Variants in PLXNA2 observed in about 807,000 individuals in gnomAD.
PLXNA2 encodes the protein plexin-A2.
In PLXNA2, 91 loss-of-function variants were observed where a neutral mutation model predicts 193.5. That is an observed-to-expected ratio of 0.47 (90% CI 0.40 to 0.56). The LOEUF is 0.56. Among genes scored for constraint, PLXNA2 ranks in the 20% least tolerant of loss-of-function variants. PLXNA2 has a pLI of 0.00. For missense variants in PLXNA2, 1,995 were observed against 2,503.2 expected (o/e 0.80, Z 4.33); for synonymous variants, 997 against 1,027.3 (o/e 0.97, Z 0.56).
At chr1:208,031,495 G>A (rs918503049) in intron 29 of PLXNA2, 95 bp downstream of exon 29, 1 of 1,495,264 alleles carries the variant, frequency 6.7e-7, no homozygotes, top group Non-Finnish European at 9.3e-7. Context: ...GCCGAGAATA[G>A]GCTATCCTCC....
intron 1 of PLXNA2, among the ~76,000 whole-genome samples, chr1:208,238,282 G>T (rs188767317): frequency 6.6e-6 from 1 of 152,322 alleles, no homozygotes; most frequent in Admixed American, 6.5e-5. Context: ...AACTTTCCAA[G>T]GGCAACTCTA....
chr1:208,231,120 C>T (rs1276693645), intron 1 of PLXNA2, among the ~76,000 whole-genome samples: 4 of 152,132 alleles, frequency 2.6e-5, no homozygotes, highest in African/African-American at 9.7e-5. Context: ...CCTCTTGGAT[C>T]CCTCAGCCCA....
chr1:208,173,325 A>T (rs1324596074), intron 3 of PLXNA2, among the ~76,000 whole-genome samples: 1 of 152,230 alleles, frequency 6.6e-6, no homozygotes, highest in African/African-American at 2.4e-5. Context: ...TCTCTTAAAA[A>T]GTCTGCAGTT....
rs1664748604 is a variant in PLXNA2, at chr1:208,038,512, G to A, written c.4661-38C>T. ...GGTGGTGCAGGGAGCGGCGTGAGAG[G>A]GATGAGGGCTGTGAGCCAGTGTCTC... is the stretch of plus-strand genomic sequence containing the variant. On this transcript the variant is annotated intron_variant, in intron 25 of 31. Transcript: ENST00000367033. This position sits in a 1 kb window ranked among gnomAD's most constrained non-coding sequence, Gnocchi z 4.1. 3 of 1,496,136 alleles carry A rather than the reference G, an allele frequency of 2.0e-6. No individual in the cohort carries two copies. Among genetic ancestry groups the A allele is most frequent in the Non-Finnish European group, 2.8e-6 (3 of 1,072,524 alleles). The allele number at this position is 1,496,136 out of a possible 1,614,324, so 92.7% of individuals were successfully genotyped here.
intron 1 of PLXNA2, among the ~76,000 whole-genome samples, chr1:208,218,646 T>C (rs905887871): frequency 2.0e-5 from 3 of 152,204 alleles, no homozygotes; most frequent in African/African-American, 7.2e-5. Context: ...CCCTGATCAC[T>C]AGCTGTTAGA....
Position 208,067,173 on chromosome 1 carries a change from T to C in PLXNA2, c.2587-6336A>G, listed in dbSNP as rs1553275586. The stretch of plus-strand genomic sequence containing the variant: ...CAGCCTGAGCAACATGGGGAAACGC[T>C]GTCTCTATTAAAAATCCAAAATTAG... On this transcript the variant is annotated intron_variant, in intron 12 of 31. Transcript: ENST00000367033. 2.6e-5 allele frequency among the ~76,000 whole-genome samples: 4 copies of C among 152,030 alleles called. No homozygotes were observed. The South Asian group carries it at 8.3e-4, about 32-fold the overall frequency.
rs1381668098 is a variant in PLXNA2 at position 208,028,186 on chromosome 1, G to C, written c.5439-27C>G. ...TGCCAGAGACAGGATAGGCGCCTTG[G>C]TGGAGGCCTCAGCAAACATTTACCT... On this transcript the variant is annotated intron_variant, in intron 30 of 31. Coordinates refer to ENST00000367033, the MANE Select transcript of PLXNA2 (RefSeq NM_025179.4). The surrounding 1 kb of genome is among the most constrained non-coding windows in gnomAD (Gnocchi z 4.2). The C allele has an allele frequency of 6.3e-7, 1 of 1,580,144 alleles. No homozygotes were observed. The highest frequency in any genetic ancestry group is 1.2e-5 in the South Asian group (1 of 86,262).
intron 4 of PLXNA2, among the ~76,000 whole-genome samples, chr1:208,119,924 C>T (rs1281459663): frequency 2.0e-5 from 3 of 152,206 alleles, no homozygotes; most frequent in African/African-American, 7.2e-5. Context: ...TTCTCCGGAA[C>T]TTTCTAATCC....
At chr1:208,139,435 A>G (rs1470822446) in intron 4 of PLXNA2, among the ~76,000 whole-genome samples, 1 of 152,216 alleles carries the variant, frequency 6.6e-6, no homozygotes. Flanking sequence ...TGAGAGCTAG[A>G]ATGGGCCATA....
intron 1 of PLXNA2, among the ~76,000 whole-genome samples, chr1:208,225,595 G>A (rs1204588123): frequency 6.6e-6 from 1 of 152,236 alleles, no homozygotes; most frequent in Non-Finnish European, 1.5e-5. Flanking sequence ...TTACAGGCGT[G>A]AGCCATGGCA....
chr1:208,079,490 G>C (rs940987423), intron 11 of PLXNA2, 40 bp from the exon 12 acceptor site: 7 of 1,486,810 alleles, frequency 4.7e-6, no homozygotes, highest in Non-Finnish European at 6.4e-6. Context: ...AACCAGAAAG[G>C]GCTGCTCACA....
chr1:208,148,983 G>A (rs1668676461), intron 3 of PLXNA2, among the ~76,000 whole-genome samples: 1 of 152,254 alleles, frequency 6.6e-6, no homozygotes, highest in Non-Finnish European at 1.5e-5. Flanking sequence ...TGGAGAGGAT[G>A]AGACTTTTGA....
chr1:208,174,681 G>A lies in PLXNA2; in HGVS notation c.1372-32218C>T, dbSNP rs76894637. Among the ~76,000 whole-genome samples the A allele has an allele frequency of 7.6e-3, 1,159 of 152,258 alleles. 15 individuals are homozygous for A. Among genetic ancestry groups the A allele is most frequent in the African/African-American group, 0.026 (1,073 of 41,540 alleles). On this transcript the variant is annotated intron_variant, in intron 3 of 31. Transcript: ENST00000367033. ...GCACCAGGGCCACAGGGGTCACCAGGCACTTCTGCTCAAGGCTCAGCCCAG... is the reference window on the plus strand; with the variant it reads ...GCACCAGGGCCACAGGGGTCACCAGACACTTCTGCTCAAGGCTCAGCCCAG...
Position 208,216,875 on chromosome 1 carries a change from G to A in PLXNA2, c.1048C>T (p.Pro350Ser). Residue 350 changes from proline to serine, a missense_variant, in exon 2 of 32, where the codon CCC becomes TCC. Pro to Ser is a moderately conservative substitution (Grantham distance 74). This residue lies in a region of PLXNA2 where 702 missense variants were observed against 812.9 expected (regional missense o/e 0.86). Coordinates refer to ENST00000367033, the MANE Select transcript of PLXNA2 (RefSeq NM_025179.4). ...AAGGCACACAGGGCAGAGTCATCGG[G>A]CGGGTGGTGATACTGCTTCTGCCCT... is the stretch of plus-strand genomic sequence containing the variant. ...SKGQKQYHHP[P>S]DDSALCAFPI... 6.2e-7 allele frequency: 1 copy of A among 1,614,222 alleles called. No individual in the cohort carries two copies. Among genetic ancestry groups the A allele is most frequent in the Non-Finnish European group, 8.5e-7 (1 of 1,180,036 alleles).
In PLXNA2 at chr1:208,023,413, G is replaced by T. The variant is rs2102352218; in HGVS notation, c.*3830C>A. ...AATGCTCCCTATTTGTTCTGCCCAG[G>T]CCATTCTTCGTCCAGCACTCATCCA... On this transcript the variant is annotated 3_prime_UTR_variant, in exon 32 of 32. Coordinates refer to ENST00000367033, the MANE Select transcript of PLXNA2 (RefSeq NM_025179.4). 6.5e-6 allele frequency: 1 copy of T among 152,860 alleles called. No individual in the cohort carries two copies. The highest frequency in any genetic ancestry group is 2.1e-4 in the South Asian group (1 of 4,828). 9.5% of individuals were successfully genotyped at this position (152,860 alleles called of 1,614,324 possible).
At position 208,028,352 on chromosome 1, in the gene PLXNA2, G is replaced by C. The variant is rs1664401091; in HGVS notation, c.5439-193C>G. On this transcript the variant is annotated intron_variant, in intron 30 of 31. Coordinates refer to ENST00000367033, the MANE Select transcript of PLXNA2 (RefSeq NM_025179.4). This position sits in a 1 kb window ranked among gnomAD's most constrained non-coding sequence, Gnocchi z 4.2. ...GCTGAAGGCCAGAGTTTCTTCAGTA[G>C]ATTCCATCTAGCCGAGAGCTCGTGG... Among the ~76,000 whole-genome samples, 1 of 152,206 alleles carries C rather than the reference G, an allele frequency of 6.6e-6. No individual in the cohort carries two copies. The highest frequency in any genetic ancestry group is 6.5e-5 in the Admixed American group (1 of 15,286).
At chr1:208,115,890 A>G (rs1169651588) in intron 4 of PLXNA2, among the ~76,000 whole-genome samples, 1 of 152,226 alleles carries the variant, frequency 6.6e-6, no homozygotes, top group Non-Finnish European at 1.5e-5. Flanking sequence ...CAGCTAAAGA[A>G]ACACAACAAT....
intron 1 of PLXNA2, among the ~76,000 whole-genome samples, chr1:208,220,636 G>T (rs868068701): frequency 9.9e-5 from 15 of 151,372 alleles, no homozygotes; most frequent in African/African-American, 3.4e-4. Context: ...TAAAGACAGG[G>T]TTTCACCATG....
intron 4 of PLXNA2, among the ~76,000 whole-genome samples, chr1:208,130,077 T>C (rs956627596): frequency 1.1e-4 from 17 of 152,024 alleles, no homozygotes; most frequent in Non-Finnish European, 1.9e-4. Context: ...CCCCAACCTG[T>C]TTGCAAGGTG....
Sources: gnomAD v4.1 joint callset for allele counts (sites outside exome capture counted in the v4.1 genomes callset) on GRCh38, gnomAD v4.1.1 for gene constraint, gnomAD v4.1.1 regional missense constraint, Gnocchi (gnomAD v3.1) non-coding constraint, MANE v1.5 for transcripts, NCBI Gene and HGNC (gene_info 2026-07-23, HGNC 2026-07-21) for gene names.